LGALSL: variants seen among roughly 807,000 people sequenced by gnomAD.
LGALSL encodes galectin like, also known as galectin-related protein.
In LGALSL, 13 loss-of-function variants were observed where a neutral mutation model predicts 19.5. That is an observed-to-expected ratio of 0.67 (90% CI 0.43 to 1.06). The LOEUF is 1.06. LGALSL is among the 50% of genes least tolerant of loss of function. The probability of loss-of-function intolerance (pLI) is 0.00; values close to 1 mark genes in which losing one functional copy is unlikely to be tolerated. For synonymous variants in LGALSL, 86 were observed against 78.3 expected (o/e 1.10, Z -0.52); for missense variants, 189 against 219.3 (o/e 0.86, Z 0.87).
chr2:64,454,525 C>T lies in LGALSL; in HGVS notation c.-21C>T, dbSNP rs1686697991. ...CGCCCGCGCGCCGCGTCCCACGTAC[C>T]CCGCCGCGCCGGGCAAGAAGATGGC... On this transcript the variant is annotated 5_prime_UTR_variant, in exon 1 of 5. Coordinates refer to ENST00000238875, the MANE Select transcript of LGALSL (RefSeq NM_014181.3). This position sits in a 1 kb window ranked among gnomAD's most constrained non-coding sequence, Gnocchi z 5.1. 7.1e-7 allele frequency: 1 copy of T among 1,407,606 alleles called. No individual in the cohort carries two copies. Among genetic ancestry groups the T allele is most frequent in the Non-Finnish European group, 9.3e-7 (1 of 1,075,300 alleles). 87.2% of individuals were successfully genotyped at this position (1,407,606 alleles called of 1,614,324 possible). A position where few individuals can be genotyped will look rare whatever the true frequency, so the allele number is the denominator to read the frequency against.
In LGALSL at chr2:64,454,659, G is replaced by GGGTGCTGA. The variant is rs1686702022; in HGVS notation, c.36+80_36+87dup. 1 of 1,080,194 alleles carries GGGTGCTGA rather than the reference G, an allele frequency of 9.3e-7. No individual in the cohort carries two copies. The highest frequency in any genetic ancestry group is 1.2e-6 in the Non-Finnish European group (1 of 847,822). 66.9% of individuals were successfully genotyped at this position (1,080,194 alleles called of 1,614,324 possible). On this transcript the variant is annotated intron_variant, in intron 1 of 4. Coordinates refer to ENST00000238875, the MANE Select transcript of LGALSL (RefSeq NM_014181.3). This position sits in a 1 kb window ranked among gnomAD's most constrained non-coding sequence, Gnocchi z 5.1. Reference sequence around the variant, plus strand: ...GCCGCCGCCTGCTCCAGCAGTGCTGGGGTGCTGAGCAGCCGCAGGCCCGGC... The same window carrying GGGTGCTGA: ...GCCGCCGCCTGCTCCAGCAGTGCTGGGGTGCTGAGGTGCTGAGCAGCCGCAGGCCCGGC...
In LGALSL at chr2:64,455,620, G is replaced by C; in HGVS notation, c.140G>C (p.Gly47Ala). The C allele has an allele frequency of 6.2e-7, 1 of 1,614,066 alleles. No individual in the cohort carries two copies. The highest frequency in any genetic ancestry group is 8.5e-7 in the Non-Finnish European group (1 of 1,179,938). Residue 47 changes from glycine to alanine, a missense_variant, in exon 3 of 5, where the codon GGC becomes GCC. Gly to Ala is a moderately conservative substitution (Grantham distance 60). Around this residue, in one of 3 missense-constraint regions of LGALSL, gnomAD observed 21 missense variants for 51.0 expected, o/e 0.41. Transcript: ENST00000238875. The part of the protein sequence containing the change: ...IVPFCGHIKG[G>A]MRPGKKVLVM... ...CCATTTTGTGGGCACATTAAAGGTG[G>C]CATGAGACCAGGCAAGAAGGTGTTA...
intron 4 of LGALSL, among the ~76,000 whole-genome samples, chr2:64,456,801 C>T (rs1381784691): frequency 1.3e-5 from 2 of 152,150 alleles, no homozygotes; most frequent in African/African-American, 4.8e-5. Flanking sequence ...ACTAAGTACC[C>T]ACTTATTAAA....
In LGALSL at chr2:64,458,436, C is replaced by A; in HGVS notation, c.*8C>A. On this transcript the variant is annotated 3_prime_UTR_variant, in exon 5 of 5. Coordinates refer to ENST00000238875, the MANE Select transcript of LGALSL (RefSeq NM_014181.3). ...ATCACCAAGCTTGGCTGATTTAAAC[C>A]ACCTCTATTTCAAATAGGATCACGT... 1 of 1,610,888 alleles carries A rather than the reference C, an allele frequency of 6.2e-7. No homozygotes were observed. The highest frequency in any genetic ancestry group is 8.5e-7 in the Non-Finnish European group (1 of 1,178,102).
In LGALSL at chr2:64,454,456, C is replaced by G; in HGVS notation, c.-90C>G. 1.4e-6 allele frequency: 1 copy of G among 699,730 alleles called. No individual in the cohort carries two copies. The highest frequency in any genetic ancestry group is 4.9e-5 in the East Asian group (1 of 20,210). The allele number at this position is 699,730 out of a possible 1,614,324, so 43.3% of individuals were successfully genotyped here. A position where few individuals can be genotyped will look rare whatever the true frequency, so the allele number is the denominator to read the frequency against. ...GCGCGCGCCCGCCGCCAGCTCGGAC[C>G]CGCGCCCCCGCCCCCGCCCCGCGCA... is the stretch of plus-strand genomic sequence containing the variant. On this transcript the variant is annotated 5_prime_UTR_variant, in exon 1 of 5. Transcript: ENST00000238875. The surrounding 1 kb of genome is among the most constrained non-coding windows in gnomAD (Gnocchi z 5.1).
chr2:64,456,380 T>C lies in LGALSL; in HGVS notation c.290T>C (p.Leu97Pro). Residue 97 changes from leucine (L) to proline (P), a missense_variant, in exon 4 of 5, where the codon CTC (leucine) becomes CCC (proline). Coordinates refer to ENST00000238875, the MANE Select transcript of LGALSL (RefSeq NM_014181.3). ...GCTGTGTTCACAGATCGGCAGCTAC[T>C]CAGAAATTCTTGTATATCTGGGGAG... is the stretch of plus-strand genomic sequence containing the variant. The part of the protein sequence containing the change: ...LKAVFTDRQL[L>P]RNSCISGERG... The C allele has an allele frequency of 6.2e-7, 1 of 1,612,638 alleles. No homozygotes were observed. The highest frequency in any genetic ancestry group is 8.5e-7 in the Non-Finnish European group (1 of 1,179,352).
chr2:64,458,496 G>C lies in LGALSL; in HGVS notation c.*68G>C, dbSNP rs1230144786. ...ATCTGACTGTTGGTCTGGAAGAAGTGTCCTAGCAAGATCTGGAGACTTAAA... is the reference window on the plus strand; with the variant it reads ...ATCTGACTGTTGGTCTGGAAGAAGTCTCCTAGCAAGATCTGGAGACTTAAA... On this transcript the variant is annotated 3_prime_UTR_variant, in exon 5 of 5. Transcript: ENST00000238875. 9.7e-6 allele frequency: 14 copies of C among 1,446,162 alleles called. No homozygotes were observed. The highest frequency in any genetic ancestry group is 1.2e-5 in the Non-Finnish European group (13 of 1,056,498). The allele number at this position is 1,446,162 out of a possible 1,614,324, so 89.6% of individuals were successfully genotyped here.
chr2:64,454,425 G>T lies in LGALSL; in HGVS notation c.-121G>T, dbSNP rs1686695025. ...CGGGCGCGCGCGCGCGCGCCCCCTC[G>T]TGTGTGCGCGCGCCCGCCGCCAGCT... On this transcript the variant is annotated 5_prime_UTR_variant, in exon 1 of 5. Coordinates refer to ENST00000238875, the MANE Select transcript of LGALSL (RefSeq NM_014181.3). The surrounding 1 kb of genome is among the most constrained non-coding windows in gnomAD (Gnocchi z 5.1). 2.6e-6 allele frequency: 1 copy of T among 384,504 alleles called. No homozygotes were observed. The highest frequency in any genetic ancestry group is 4.2e-6 in the Non-Finnish European group (1 of 236,904). 23.8% of individuals were successfully genotyped at this position (384,504 alleles called of 1,614,324 possible).
Position 64,459,034 on chromosome 2 carries a change from T to G in LGALSL, c.*606T>G, listed in dbSNP as rs1417441120. The G allele has an allele frequency of 6.6e-6, 1 of 152,258 alleles. No individual in the cohort carries two copies. Among genetic ancestry groups the G allele is most frequent in the Non-Finnish European group, 1.5e-5 (1 of 68,042 alleles). 9.4% of individuals were successfully genotyped at this position (152,258 alleles called of 1,614,324 possible). On this transcript the variant is annotated 3_prime_UTR_variant, in exon 5 of 5. Coordinates refer to ENST00000238875, the MANE Select transcript of LGALSL (RefSeq NM_014181.3). ...AGCAAGTTGTAAACTTTTGAATGTATAAATATCTTAGGTCCAAGGGGAGAA... is the reference window on the plus strand; with the variant it reads ...AGCAAGTTGTAAACTTTTGAATGTAGAAATATCTTAGGTCCAAGGGGAGAA...
At chr2:64,457,105 C>T (rs1686748363) in intron 4 of LGALSL, among the ~76,000 whole-genome samples, 1 of 152,160 alleles carries the variant, frequency 6.6e-6, no homozygotes, top group Non-Finnish European at 1.5e-5. Flanking sequence ...ATTAGCAGCC[C>T]CTTCCTCTAT....
chr2:64,458,200 G>A (rs115957281), intron 4 of LGALSL, 85 bp from the exon 5 acceptor site: 2 of 1,266,904 alleles, frequency 1.6e-6, no homozygotes, highest in African/African-American at 2.9e-5. Context: ...TGAAGATACT[G>A]CCTTTCTTTC....
intron 4 of LGALSL, among the ~76,000 whole-genome samples, chr2:64,457,429 A>T (rs1686753584): frequency 1.3e-5 from 2 of 152,064 alleles, no homozygotes; most frequent in African/African-American, 4.8e-5. Flanking sequence ...GTCAAAAAAA[A>T]AAAAAATAAA....
At position 64,456,270 on chromosome 2, in the gene LGALSL, G is replaced by A; in HGVS notation, c.198-18G>A. 1 of 1,606,274 alleles carries A rather than the reference G, an allele frequency of 6.2e-7. No individual in the cohort carries two copies. Among genetic ancestry groups the A allele is most frequent in the Non-Finnish European group, 8.5e-7 (1 of 1,175,984 alleles). On this transcript the variant is annotated intron_variant, in intron 3 of 4. Transcript: ENST00000238875. ...TTTTATATCCAACCCTTAATCAGTGGGATGATTTTCTTTTCAGCTTTGCAA... is the reference window on the plus strand; with the variant it reads ...TTTTATATCCAACCCTTAATCAGTGAGATGATTTTCTTTTCAGCTTTGCAA...
intron 3 of LGALSL, among the ~76,000 whole-genome samples, chr2:64,455,930 T>A (rs1459920136): frequency 1.1e-4 from 1 of 8,710 alleles, no homozygotes. Context: ...GCCAGAGGAT[T>A]TTTTTTTTTT....
Position 64,458,794 on chromosome 2 carries a change from G to A in LGALSL, c.*366G>A. 1 of 171,236 alleles carries A rather than the reference G, an allele frequency of 5.8e-6. No individual in the cohort carries two copies. 10.6% of individuals were successfully genotyped at this position (171,236 alleles called of 1,614,324 possible). On this transcript the variant is annotated 3_prime_UTR_variant, in exon 5 of 5. Transcript: ENST00000238875. The stretch of plus-strand genomic sequence containing the variant: ...GGTACAGTGAAATCAATGCATTTCT[G>A]CACTAAAGTGGAATTGTGTAGCACA...
chr2:64,457,115 T>C (rs1686748526), intron 4 of LGALSL, among the ~76,000 whole-genome samples: 1 of 152,142 alleles, frequency 6.6e-6, no homozygotes, highest in South Asian at 2.1e-4. Context: ...CCTTCCTCTA[T>C]GAAAGGCAAT....
In LGALSL at chr2:64,458,270, T is replaced by C; in HGVS notation, c.376-15T>C. 2 of 1,612,280 alleles carry C rather than the reference T, an allele frequency of 1.2e-6. No individual in the cohort carries two copies. The highest frequency in any genetic ancestry group is 1.7e-6 in the Non-Finnish European group (2 of 1,178,900). ...CGTTCATTGAAATTGTGGATTATTA[T>C]TTTGTTTCTTCCAGGTGGAAATTCT... On this transcript the variant is annotated splice_polypyrimidine_tract_variant and intron_variant, in intron 4 of 4. Coordinates refer to ENST00000238875, the MANE Select transcript of LGALSL (RefSeq NM_014181.3).
In LGALSL at chr2:64,461,020, T is replaced by C. The variant is rs1402123561; in HGVS notation, c.*2592T>C. On this transcript the variant is annotated 3_prime_UTR_variant, in exon 5 of 5. Transcript: ENST00000238875. The stretch of plus-strand genomic sequence containing the variant: ...TAGAAGTGACTTCTACTTTTTGGGC[T>C]ATTCCAGAAGTATTTTAAAATTATT... 1 of 152,238 alleles carries C rather than the reference T, an allele frequency of 6.6e-6. No individual in the cohort carries two copies. The highest frequency in any genetic ancestry group is 2.4e-5 in the African/African-American group (1 of 41,462). 9.4% of individuals were successfully genotyped at this position (152,238 alleles called of 1,614,324 possible).
In LGALSL at chr2:64,458,408, C is replaced by G; in HGVS notation, c.499C>G (p.Gln167Glu). 1 of 1,613,364 alleles carries G rather than the reference C, an allele frequency of 6.2e-7. No homozygotes were observed. The change falls in exon 5 of 5, where the codon CAG becomes GAG. Residue 167 changes from glutamine (Q) to glutamate (E), a missense_variant. Physicochemically the swap from Gln to Glu is conservative, Grantham distance 29 (BLOSUM62 2). Coordinates refer to ENST00000238875, the MANE Select transcript of LGALSL (RefSeq NM_014181.3). ...CACCATAAAGATAAATGGAGACCTCCAGATCACCAAGCTTGGCTGATTTAA... is the reference window on the plus strand; with the variant it reads ...CACCATAAAGATAAATGGAGACCTCGAGATCACCAAGCTTGGCTGATTTAA... Reference protein sequence around the residue: ...IDTIKINGDLQITKLG With the variant: ...IDTIKINGDLEITKLG
Sources: gnomAD v4.1 joint callset for allele counts (sites outside exome capture counted in the v4.1 genomes callset) on GRCh38, gnomAD v4.1.1 for gene constraint, gnomAD v4.1.1 regional missense constraint, Gnocchi (gnomAD v3.1) non-coding constraint, MANE v1.5 for transcripts, NCBI Gene and HGNC (gene_info 2026-07-23, HGNC 2026-07-21) for gene names.